The following DNM1L variants were observed in gnomAD, a reference collection of about 807,000 sequenced individuals.
DNM1L encodes dynamin-1-like protein.
Under a neutral mutation model 92.8 loss-of-function variants are expected in DNM1L, and 33 were observed. That is an observed-to-expected ratio of 0.36 (90% CI 0.27 to 0.48). The LOEUF (loss-of-function observed/expected upper bound fraction) is 0.48. Among genes scored for constraint, DNM1L ranks in the 20% least tolerant of loss-of-function variants. The pLI is 0.99. For missense variants in DNM1L, 485 were observed against 888.8 expected, an observed-to-expected ratio of 0.55 and a Z score of 5.78; for synonymous variants, 284 against 305.0, an observed-to-expected ratio of 0.93 and a Z score of 0.72.
At chr12:32,684,005 A>AT (rs1951900838) in intron 1 of DNM1L, among the ~76,000 whole-genome samples, 1 of 152,214 alleles carries the variant, frequency 6.6e-6, no homozygotes, top group African/African-American at 2.4e-5. Flanking sequence ...TAATTTGCAA[A>AT]TCAACTTTTA....
intron 9 of DNM1L, chr12:32,726,769 A>T: frequency 1.6e-6 from 1 of 617,760 alleles, no homozygotes; most frequent in East Asian, 2.7e-5. Context: ...CCTTTTTTCC[A>T]ATCTATCTGG....
intron 1 of DNM1L, among the ~76,000 whole-genome samples, chr12:32,699,796 C>CAAAA (rs34943495): frequency 2.9e-4 from 21 of 73,522 alleles, no homozygotes; most frequent in Admixed American, 4.9e-4. Context: ...GACTCCATCT[C>CAAAA]AAAAAAAAAA....
rs758862589 is a variant in DNM1L at position 32,720,701 on chromosome 12, G to A, written c.778G>A (p.Asp260Asn). 5.6e-6 allele frequency: 9 copies of A among 1,613,906 alleles called. No individual in the cohort carries two copies. The South Asian group carries it at 8.8e-5, about 16-fold the overall frequency. Residue 260 changes from aspartate (D) to asparagine (N), a missense_variant, in exon 8 of 20, where the codon GAT (aspartate) becomes AAT (asparagine). By Grantham distance (23) the Asp-to-Asn change is conservative. This residue lies in a region of DNM1L where 159 missense variants were observed against 275.9 expected (regional missense o/e 0.58). Transcript: ENST00000549701. ...LDINNKKSVT[D>N]SIRDEYAFLQ... ...TATTAACAACAAGAAGAGTGTAACT[G>A]ATTCAATCCGTGATGAGTATGCTTT... is the stretch of plus-strand genomic sequence containing the variant.
chr12:32,682,375 A>T (rs11052166), intron 1 of DNM1L, among the ~76,000 whole-genome samples: 1 of 151,724 alleles, frequency 6.6e-6, no homozygotes, highest in Non-Finnish European at 1.5e-5. Context: ...CAGGTGATCC[A>T]CCCGTCTCGG....
chr12:32,689,583 CCTT>C (rs1467794314), intron 1 of DNM1L, among the ~76,000 whole-genome samples: 2 of 152,088 alleles, frequency 1.3e-5, no homozygotes, highest in South Asian at 2.1e-4. Flanking sequence ...TATAAGGAAA[CCTT>C]CTGTAAATCT....
chr12:32,695,756 A>G (rs1262447004), intron 1 of DNM1L, among the ~76,000 whole-genome samples: 2 of 152,212 alleles, frequency 1.3e-5, no homozygotes, highest in Admixed American at 1.3e-4. Flanking sequence ...TGGGCAACAG[A>G]GTGAGACCTT....
At chr12:32,726,640 CA>C in intron 9 of DNM1L, 1 of 812,776 alleles carries the variant, frequency 1.2e-6, no homozygotes, top group South Asian at 1.6e-5. Context: ...TCAGGAACTT[CA>C]GGAGGGGCAA....
intron 4 of DNM1L, among the ~76,000 whole-genome samples, chr12:32,709,313 TATTGA>T (rs1254119325): frequency 6.6e-6 from 1 of 152,192 alleles, no homozygotes; most frequent in African/African-American, 2.4e-5. Context: ...TTTGGAATGT[TATTGA>T]TCATAACATC....
chr12:32,740,994 A>G (rs947586334), intron 18 of DNM1L, among the ~76,000 whole-genome samples: 2 of 152,166 alleles, frequency 1.3e-5, no homozygotes, highest in African/African-American at 4.8e-5. Context: ...ATGTCATTTC[A>G]TGCAGTAATA....
chr12:32,730,815 CT>C (rs748923874), intron 9 of DNM1L, among the ~76,000 whole-genome samples, 198 bp from the exon 10 acceptor site: 15 of 152,032 alleles, frequency 9.9e-5, no homozygotes, highest in Non-Finnish European at 2.1e-4. Context: ...TTAATGATTC[CT>C]TTTCCCCTTT....
In DNM1L at chr12:32,713,290, A is replaced by G. The variant is rs758439519; in HGVS notation, c.538A>G (p.Ile180Val). ...TCGGTTCATCAGTAATCCTAATTCC[A>G]TTATCCTCGCTGTCACTGCTGCTAA... ...ILRFISNPNS[I>V]ILAVTAANTD... is the part of the protein sequence containing the mutation. Residue 180 changes from isoleucine to valine, a missense_variant, in exon 6 of 20, where the codon ATT (isoleucine) becomes GTT (valine). This residue lies in a region of DNM1L where 159 missense variants were observed against 275.9 expected (regional missense o/e 0.58). Coordinates refer to ENST00000549701, the MANE Select transcript of DNM1L (RefSeq NM_012062.5). 6.2e-7 allele frequency: 1 copy of G among 1,613,948 alleles called. No homozygotes were observed. The highest frequency in any genetic ancestry group is 1.1e-5 in the South Asian group (1 of 91,082).
At chr12:32,691,832 A>T (rs1952247135) in intron 1 of DNM1L, among the ~76,000 whole-genome samples, 1 of 152,178 alleles carries the variant, frequency 6.6e-6, no homozygotes, top group East Asian at 1.9e-4. Context: ...AAAAGACAAA[A>T]GTTCCCCAGA....
intron 13 of DNM1L, chr12:32,736,835 C>T (rs1954916267): frequency 4.7e-6 from 2 of 422,456 alleles, no homozygotes; most frequent in Admixed American, 3.5e-5. Context: ...GTCTGTTGCC[C>T]CTCATTTGAG....
At chr12:32,703,681 G>A (rs1480028375) in intron 2 of DNM1L, among the ~76,000 whole-genome samples, 4 of 151,380 alleles carry the variant, frequency 2.6e-5, no homozygotes, top group African/African-American at 4.9e-5. Flanking sequence ...AGCCAGTGAA[G>A]GCTTAGTTAC....
At position 32,718,779 on chromosome 12, in the gene DNM1L, G is replaced by A. The variant is rs771065084; in HGVS notation, c.740+16G>A. On this transcript the variant is annotated intron_variant, in intron 7 of 19. Coordinates refer to ENST00000549701, the MANE Select transcript of DNM1L (RefSeq NM_012062.5). Reference sequence around the variant, plus strand: ...TAGTTAACAGGTTAGCAGTTAGAATGGGATAAGAATTGGGATAAGCATTCT... The same window carrying A: ...TAGTTAACAGGTTAGCAGTTAGAATAGGATAAGAATTGGGATAAGCATTCT... The A allele has an allele frequency of 1.2e-6, 2 of 1,612,980 alleles. No homozygotes were observed. Among genetic ancestry groups the A allele is most frequent in the South Asian group, 2.2e-5 (2 of 90,976 alleles).
chr12:32,708,106 T>A, intron 3 of DNM1L, 47 bp from the exon 4 acceptor site: 1 of 1,182,480 alleles, frequency 8.5e-7, no homozygotes, highest in Non-Finnish European at 1.3e-6. Context: ...TTAAGAACTT[T>A]TGATCTTATT....
At chr12:32,696,379 C>G (rs1200720142) in intron 1 of DNM1L, among the ~76,000 whole-genome samples, 2 of 83,454 alleles carry the variant, frequency 2.4e-5, no homozygotes, top group Non-Finnish European at 5.0e-5. Context: ...TACACACACA[C>G]ACAAACACAC....
chr12:32,714,127 T>G (rs1424888052), intron 6 of DNM1L, among the ~76,000 whole-genome samples: 2 of 152,170 alleles, frequency 1.3e-5, no homozygotes, highest in Admixed American at 6.5e-5. Flanking sequence ...TTTTTTCACC[T>G]TACTATTCAG....
intron 7 of DNM1L, 62 bp downstream of exon 7, chr12:32,718,825 C>T (rs1953668009): frequency 1.3e-6 from 2 of 1,593,128 alleles, no homozygotes; most frequent in Non-Finnish European, 1.7e-6. Flanking sequence ...TAAGCATTCT[C>T]ACTTCAGAGC....
Sources: gnomAD v4.1 joint callset for allele counts (sites outside exome capture counted in the v4.1 genomes callset) on GRCh38, gnomAD v4.1.1 for gene constraint, gnomAD v4.1.1 regional missense constraint, MANE v1.5 for transcripts, NCBI Gene and HGNC (gene_info 2026-07-23, HGNC 2026-07-21) for gene names.